The following LHFPL2 variants were observed in gnomAD, a reference collection of about 807,000 sequenced individuals.
LHFPL2 encodes LHFPL tetraspan subfamily member 2.
A neutral mutation model predicts 17.5 loss-of-function variants in LHFPL2; 7 were observed. That is an observed-to-expected ratio of 0.40 (90% CI 0.23 to 0.75). The LOEUF (loss-of-function observed/expected upper bound fraction) is 0.75. Among genes scored for constraint, LHFPL2 ranks in the 30% least tolerant of loss-of-function variants. The pLI is 0.37. For synonymous variants in LHFPL2, 134 were observed against 116.2 expected, an observed-to-expected ratio of 1.15 and a Z score of -0.99; for missense variants, 241 against 294.8, an observed-to-expected ratio of 0.82 and a Z score of 1.34.
intron 1 of LHFPL2, among the ~76,000 whole-genome samples, chr5:78,639,431 T>C (rs569656029): frequency 1.6e-4 from 24 of 152,282 alleles, no homozygotes; most frequent in African/African-American, 5.5e-4. Flanking sequence ...TGACTTACAG[T>C]CACCAGTTTA....
At chr5:78,529,123 A>AG (rs942496323) in intron 3 of LHFPL2, among the ~76,000 whole-genome samples, 1 of 152,044 alleles carries the variant, frequency 6.6e-6, no homozygotes, top group Non-Finnish European at 1.5e-5. Flanking sequence ...AAAAAAAAAA[A>AG]AAGAAAAATT....
intron 3 of LHFPL2, among the ~76,000 whole-genome samples, chr5:78,537,362 T>C (rs1755979797): frequency 6.6e-6 from 1 of 152,210 alleles, no homozygotes; most frequent in South Asian, 2.1e-4. Flanking sequence ...CAAGGCTTCT[T>C]GCCCCCCAAA....
intron 2 of LHFPL2, chr5:78,625,571 C>A (rs7734765): frequency 0.29 from 43,927 of 151,900 alleles, 6,509 homozygotes; most frequent in Middle Eastern, 0.33. Context: ...TGCTACATCT[C>A]CATTTTCTAA....
chr5:78,644,180 C>G lies in LHFPL2; in HGVS notation c.-350+4319G>C, dbSNP rs1045932937. On this transcript the variant is annotated intron_variant, in intron 1 of 4. Transcript: ENST00000380345. ...TCAAAACAATTGTTACATAGTCTTC[C>G]ATTTCAATTTCTTTAAAAGAAGTGA... The G allele has an allele frequency of 5.3e-6, 3 of 566,072 alleles. No homozygotes were observed. In the African/African-American group the frequency reaches 5.7e-5, roughly 11 times the overall value. The allele number at this position is 566,072 out of a possible 1,614,324, so 35.1% of individuals were successfully genotyped here. A position where few individuals can be genotyped will look rare whatever the true frequency, so the allele number is the denominator to read the frequency against.
chr5:78,490,396 GAC>G (rs1754398309), intron 4 of LHFPL2, among the ~76,000 whole-genome samples: 1 of 152,108 alleles, frequency 6.6e-6, no homozygotes, highest in Admixed American at 6.5e-5. Context: ...GGCCTGAAAT[GAC>G]AAAGGCAACC....
At chr5:78,542,849 C>T (rs572046698) in intron 3 of LHFPL2, among the ~76,000 whole-genome samples, 4 of 152,328 alleles carry the variant, frequency 2.6e-5, no homozygotes, top group African/African-American at 9.6e-5. Flanking sequence ...GGGCCTCACA[C>T]TCAGTGAATG....
intron 2 of LHFPL2, among the ~76,000 whole-genome samples, chr5:78,598,044 T>C (rs1199193713): frequency 1.3e-5 from 2 of 152,142 alleles, no homozygotes; most frequent in African/African-American, 4.8e-5. Flanking sequence ...AAAGACCCCT[T>C]AAGGCAACCC....
intron 4 of LHFPL2, among the ~76,000 whole-genome samples, chr5:78,490,864 T>A (rs1754420407): frequency 6.6e-6 from 1 of 152,158 alleles, no homozygotes; most frequent in African/African-American, 2.4e-5. Flanking sequence ...GTTCCCACTT[T>A]TTAGATACTG....
At position 78,533,492 on chromosome 5, in the gene LHFPL2, C is replaced by T. The variant is rs1755847962; in HGVS notation, c.-185-23094G>A. On this transcript the variant is annotated intron_variant, in intron 3 of 4. Transcript: ENST00000380345. ...AGTAGGGGATGGGCGGTGTAGGATG[C>T]TATGGAAAAGGTAAGTATAAGCACA... Among the ~76,000 whole-genome samples the T allele has an allele frequency of 3.3e-5, 5 of 152,262 alleles. No homozygotes were observed. In the South Asian group the frequency reaches 1.0e-3, roughly 32 times the overall value.
intron 1 of LHFPL2, among the ~76,000 whole-genome samples, chr5:78,640,341 T>C (rs1745622662): frequency 6.6e-6 from 1 of 152,186 alleles, no homozygotes; most frequent in Non-Finnish European, 1.5e-5. Flanking sequence ...AACATACCCA[T>C]TATAAGGGGT....
chr5:78,540,333 G>A (rs982747564), intron 3 of LHFPL2, among the ~76,000 whole-genome samples: 6 of 152,190 alleles, frequency 3.9e-5, no homozygotes, highest in Non-Finnish European at 7.4e-5. Flanking sequence ...ATGTCTGTCT[G>A]GGCTGCAGCA....
chr5:78,556,578 A>T (rs1202553415), intron 3 of LHFPL2, among the ~76,000 whole-genome samples: 1 of 152,208 alleles, frequency 6.6e-6, no homozygotes, highest in African/African-American at 2.4e-5. Flanking sequence ...CCATAAAAGG[A>T]TATTCAAGGT....
intron 2 of LHFPL2, among the ~76,000 whole-genome samples, chr5:78,618,651 C>T (rs754937258): frequency 6.0e-4 from 92 of 152,274 alleles, no homozygotes; most frequent in Admixed American, 3.7e-3. Context: ...TGTGACTGGC[C>T]CTAGAAGTCA....
chr5:78,514,464 T>C (rs1480571151), intron 3 of LHFPL2, among the ~76,000 whole-genome samples: 1 of 152,094 alleles, frequency 6.6e-6, no homozygotes, highest in Non-Finnish European at 1.5e-5. Context: ...GAGTCAGTCC[T>C]ATGTACAGAT....
At chr5:78,548,109 G>A (rs918220111) in intron 3 of LHFPL2, among the ~76,000 whole-genome samples, 10 of 152,236 alleles carry the variant, frequency 6.6e-5, no homozygotes, top group African/African-American at 2.2e-4. Context: ...TCCCATGACT[G>A]CAAGGTCCTT....
At chr5:78,627,629 CCT>C (rs1193409075) in intron 2 of LHFPL2, among the ~76,000 whole-genome samples, 2 of 152,282 alleles carry the variant, frequency 1.3e-5, no homozygotes, top group Middle Eastern at 3.4e-3. Context: ...AGTCACAGGA[CCT>C]CTCTTTGCCT....
chr5:78,566,072 T>C (rs1243048802), intron 2 of LHFPL2, among the ~76,000 whole-genome samples: 1 of 152,232 alleles, frequency 6.6e-6, no homozygotes, highest in African/African-American at 2.4e-5. Flanking sequence ...TGTATAAATA[T>C]GTAATTCCAC....
chr5:78,512,767 CTTT>C (rs34696428), intron 3 of LHFPL2, among the ~76,000 whole-genome samples: 7 of 137,818 alleles, frequency 5.1e-5, no homozygotes, highest in Non-Finnish European at 7.8e-5. Flanking sequence ...TTTTTCTTTT[CTTT>C]TTTTTTTTTT....
chr5:78,560,903 A>G (rs1022914866), intron 3 of LHFPL2, among the ~76,000 whole-genome samples: 1 of 152,242 alleles, frequency 6.6e-6, no homozygotes, highest in African/African-American at 2.4e-5. Flanking sequence ...AGCACTGTGC[A>G]ATAAAAATAT....
Sources: allele counts gnomAD v4.1 joint callset (sites outside exome capture counted in the v4.1 genomes callset), GRCh38; gene constraint gnomAD v4.1.1; transcripts MANE v1.5; gene names NCBI Gene and HGNC (gene_info 2026-07-23, HGNC 2026-07-21).